The following NMUR2 variants were observed in gnomAD, a reference collection of about 807,000 sequenced individuals.
NMUR2 encodes the protein neuromedin-U receptor 2.
NMUR2 carries 24 observed loss-of-function variants against 25.1 expected under a neutral mutation model. That is an observed-to-expected ratio of 0.96 (90% CI 0.69 to 1.34). The LOEUF is 1.34. Ranked by LOEUF, NMUR2 falls within the 40% of genes most tolerant of loss-of-function variation. The probability of loss-of-function intolerance (pLI) is 0.00; values close to 1 mark genes in which losing one functional copy is unlikely to be tolerated. For synonymous variants in NMUR2, 218 were observed against 208.1 expected (o/e 1.05, Z -0.41); for missense variants, 533 against 512.8 (o/e 1.04, Z -0.38).
chr5:152,396,130 T>C (rs184509302), intron 2 of NMUR2, among the ~76,000 whole-genome samples: 3 of 152,202 alleles, frequency 2.0e-5, no homozygotes, highest in African/African-American at 7.2e-5. Context: ...TCTCTTATTT[T>C]CACCTCCCAA....
Position 152,392,369 on chromosome 5 carries a change from A to G in NMUR2, c.1070T>C (p.Leu357Ser), listed in dbSNP as rs1254333803. The G allele has an allele frequency of 1.2e-5, 20 of 1,613,944 alleles. No individual in the cohort carries two copies. Among genetic ancestry groups the G allele is most frequent in the Non-Finnish European group, 1.5e-5 (18 of 1,179,976 alleles). The change falls in exon 4 of 4, where the codon TTG becomes TCG. Residue 357 changes from leucine to serine, a missense_variant. Transcript: ENST00000255262. ...KQWHSQHDPQ[L>S]PPAQRNIFLT... Reference sequence around the variant, plus strand: ...GAAGATGTTCCGCTGGGCAGGTGGCAACTGTGGGTCATGCTGGGAGTGCCA... The same window carrying G: ...GAAGATGTTCCGCTGGGCAGGTGGCGACTGTGGGTCATGCTGGGAGTGCCA...
In NMUR2 at chr5:152,404,451, G is replaced by T. The variant is rs745311917; in HGVS notation, c.663C>A (p.Ser221=). 3.7e-6 allele frequency: 6 copies of T among 1,614,174 alleles called. No individual in the cohort carries two copies. The highest frequency in any genetic ancestry group is 4.2e-6 in the Non-Finnish European group (5 of 1,180,016). ...TCATGGGGAGGAGGTAGAATAGGAA[G>T]GAGGTGACCTGGATGATGAAATTGT... The part of the protein sequence containing the change: ...WIYNFIIQVT[S]FLFYLLPMTV... Residue 221 remains serine, a synonymous_variant, in exon 1 of 4, where the codon TCC becomes TCA. Coordinates refer to ENST00000255262, the MANE Select transcript of NMUR2 (RefSeq NM_020167.5).
chr5:152,395,695 T>G, intron 2 of NMUR2, 111 bp from the exon 3 acceptor site: 1 of 1,327,312 alleles, frequency 7.5e-7, no homozygotes, highest in Non-Finnish European at 1.0e-6. Context: ...TTCAACTTTG[T>G]TAAGCTATAA....
intron 3 of NMUR2, among the ~76,000 whole-genome samples, chr5:152,394,127 C>T (rs753736045): frequency 6.6e-6 from 1 of 152,012 alleles, no homozygotes; most frequent in Non-Finnish European, 1.5e-5. Flanking sequence ...TTGACGCATC[C>T]AGAGAATTGT....
At chr5:152,398,036 C>CA (rs775877497) in intron 2 of NMUR2, 24 bp downstream of exon 2, 3 of 1,589,570 alleles carry the variant, frequency 1.9e-6, no homozygotes, top group African/African-American at 1.3e-5. Flanking sequence ...CAAAACAAAA[C>CA]AAAAAACAAA....
chr5:152,395,651 T>C lies in NMUR2; in HGVS notation c.812-67A>G, dbSNP rs549240074. 20 of 1,541,978 alleles carry C rather than the reference T, an allele frequency of 1.3e-5. No homozygotes were observed. The African/African-American group carries it at 1.9e-4, about 15-fold the overall frequency. On this transcript the variant is annotated intron_variant, in intron 2 of 3. Transcript: ENST00000255262. ...GCAAGGATAGGTATACAATGCTCAC[T>C]CTGAGTCAATCATTTCTTCTGGCAG...
intron 1 of NMUR2, among the ~76,000 whole-genome samples, chr5:152,404,010 A>C (rs77831671): frequency 7.9e-4 from 120 of 152,236 alleles, no homozygotes; most frequent in Non-Finnish European, 1.5e-3. Flanking sequence ...ACCTCACCCC[A>C]GATCACCTGA....
chr5:152,395,225 C>T (rs17545590), intron 3 of NMUR2, among the ~76,000 whole-genome samples: 20,420 of 152,154 alleles, frequency 0.13, 1,799 homozygotes, highest in Non-Finnish European at 0.19. Context: ...GTAATCATCA[C>T]AGTTAGACTT....
intron 3 of NMUR2, among the ~76,000 whole-genome samples, chr5:152,394,623 G>C (rs1447388375): frequency 6.6e-6 from 1 of 152,210 alleles, no homozygotes; most frequent in African/African-American, 2.4e-5. Flanking sequence ...CTTGAAGTTA[G>C]ATGACTTGGG....
At chr5:152,395,054 T>G (rs17448407) in intron 3 of NMUR2, among the ~76,000 whole-genome samples, 22,014 of 152,084 alleles carry the variant, frequency 0.14, 2,084 homozygotes, top group Admixed American at 0.24. Flanking sequence ...AGAACTTGAT[T>G]ACCTATGAAT....
At chr5:152,394,035 T>C (rs1043983521) in intron 3 of NMUR2, among the ~76,000 whole-genome samples, 2 of 151,882 alleles carry the variant, frequency 1.3e-5, no homozygotes, top group African/African-American at 4.8e-5. Flanking sequence ...ATCTAGTGGC[T>C]AATATAAAAG....
intron 1 of NMUR2, among the ~76,000 whole-genome samples, chr5:152,400,337 G>A (rs1017782975): frequency 1.3e-4 from 20 of 152,190 alleles, no homozygotes; most frequent in African/African-American, 4.8e-4. Flanking sequence ...AAATCATGCA[G>A]GTAGAGTGCT....
chr5:152,394,441 C>A (rs752012828), intron 3 of NMUR2, among the ~76,000 whole-genome samples: 1 of 152,108 alleles, frequency 6.6e-6, no homozygotes, highest in Admixed American at 6.6e-5. Context: ...CTTTCCTTTC[C>A]GGTGATGTCT....
chr5:152,395,435 C>T (rs781191963), intron 3 of NMUR2, 24 bp downstream of exon 3: 1 of 1,612,950 alleles, frequency 6.2e-7, no homozygotes, highest in Non-Finnish European at 8.5e-7. Flanking sequence ...ACTAGTCATG[C>T]ACCAAATCCA....
chr5:152,397,251 C>A (rs17545665), intron 2 of NMUR2, among the ~76,000 whole-genome samples: 1 of 151,802 alleles, frequency 6.6e-6, no homozygotes. Flanking sequence ...CTGGAGGATT[C>A]ATTTCTTCTA....
intron 1 of NMUR2, among the ~76,000 whole-genome samples, chr5:152,399,121 T>A (rs1330907897): frequency 1.3e-5 from 2 of 152,176 alleles, no homozygotes; most frequent in Non-Finnish European, 2.9e-5. Context: ...ATTTTACACA[T>A]TTTTTAATTT....
In NMUR2 at chr5:152,405,179, A is replaced by G. The variant is rs988746983; in HGVS notation, c.-66T>C. On this transcript the variant is annotated 5_prime_UTR_variant, in exon 1 of 4. Coordinates refer to ENST00000255262, the MANE Select transcript of NMUR2 (RefSeq NM_020167.5). The stretch of plus-strand genomic sequence containing the variant: ...TTTCAAGCTGAGCCAGGAAAAAAAA[A>G]AAAAAAAGAAAAAAGGAAAACAAAA... The G allele has an allele frequency of 1.5e-5, 23 of 1,496,808 alleles. No homozygotes were observed. Among genetic ancestry groups the G allele is most frequent in the Admixed American group, 6.9e-5 (3 of 43,690 alleles). 92.7% of individuals were successfully genotyped at this position (1,496,808 alleles called of 1,614,324 possible). A position where few individuals can be genotyped will look rare whatever the true frequency, so the allele number is the denominator to read the frequency against.
At chr5:152,394,551 G>A (rs533282540) in intron 3 of NMUR2, among the ~76,000 whole-genome samples, 74 of 152,330 alleles carry the variant, frequency 4.9e-4, no homozygotes, top group African/African-American at 1.8e-3. Context: ...AGCTGTCACT[G>A]ACTGAGAAAG....
In NMUR2 at chr5:152,404,885, T is replaced by C. The variant is rs2113105831; in HGVS notation, c.229A>G (p.Lys77Glu). 2 of 1,613,912 alleles carry C rather than the reference T, an allele frequency of 1.2e-6. No homozygotes were observed. The highest frequency in any genetic ancestry group is 2.2e-5 in the South Asian group (2 of 91,068). ...CLVILQHQAM[K>E]TPTNYYLFSL... ...AAGAGGTAGTAGTTGGTGGGCGTCT[T>C]CATAGCCTGGTGCTGCAGAATCACC... The change falls in exon 1 of 4, where the codon AAG (lysine) becomes GAG (glutamate). Residue 77 changes from lysine (K) to glutamate (E), a missense_variant. Physicochemically the swap from Lys to Glu is moderately conservative, Grantham distance 56. Coordinates refer to ENST00000255262, the MANE Select transcript of NMUR2 (RefSeq NM_020167.5).
Sources: gnomAD v4.1 joint callset for allele counts (sites outside exome capture counted in the v4.1 genomes callset) on GRCh38, gnomAD v4.1.1 for gene constraint, MANE v1.5 for transcripts, NCBI Gene and HGNC (gene_info 2026-07-23, HGNC 2026-07-21) for gene names.